Variants in CTNNA2 observed in about 807,000 individuals in gnomAD.
The protein encoded by CTNNA2 is catenin alpha 2.
CTNNA2 carries 42 observed loss-of-function variants against 101.0 expected under a neutral mutation model. The ratio of observed to expected loss-of-function variants is 0.42; its 90% CI spans 0.32 to 0.54. CTNNA2 has a LOEUF of 0.54. Among genes scored for constraint, CTNNA2 ranks in the 20% least tolerant of loss-of-function variants. The pLI is 0.14. For missense variants in CTNNA2, 871 were observed against 1,223.1 expected (o/e 0.71, Z 4.29); for synonymous variants, 450 against 456.4 (o/e 0.99, Z 0.18).
In CTNNA2 at chr2:80,085,950, G is replaced by A. The variant is rs140313562; in HGVS notation, c.1056+176153G>A. Among the ~76,000 whole-genome samples, 423 of 151,972 alleles carry A rather than the reference G, an allele frequency of 2.8e-3. 4 individuals are homozygous for A. The highest frequency in any genetic ancestry group is 9.8e-3 in the African/African-American group (408 of 41,460). ...ATCTTGATGGGACATGTATGCCTAC[G>A]GTTAAACTTAGCAAGAAAGTATAGC... On this transcript the variant is annotated intron_variant, in intron 7 of 18. Transcript: ENST00000402739.
chr2:79,410,550 T>C (rs1194459222), intron 4 of CTNNA2, among the ~76,000 whole-genome samples: 1 of 152,188 alleles, frequency 6.6e-6, no homozygotes, highest in Non-Finnish European at 1.5e-5. Flanking sequence ...TCTGCATCTA[T>C]TGAGATAATC....
chr2:80,105,349 TCTC>T (rs1700811669), intron 7 of CTNNA2, among the ~76,000 whole-genome samples: 1 of 152,232 alleles, frequency 6.6e-6, no homozygotes, highest in South Asian at 2.1e-4. Flanking sequence ...ATGCCAATGT[TCTC>T]CTTCTGTGGC....
At chr2:79,528,626 T>C (rs1232765458) in intron 1 of CTNNA2, among the ~76,000 whole-genome samples, 2 of 152,276 alleles carry the variant, frequency 1.3e-5, no homozygotes, top group Admixed American at 6.6e-5. Context: ...TGTTTTTCCA[T>C]TTGGAATGTA....
chr2:79,414,544 T>C (rs1678455322), intron 4 of CTNNA2, among the ~76,000 whole-genome samples: 1 of 152,122 alleles, frequency 6.6e-6, no homozygotes, highest in South Asian at 2.1e-4. Flanking sequence ...TTAAAACTTT[T>C]GTTGTCTAAA....
intron 3 of CTNNA2, among the ~76,000 whole-genome samples, chr2:79,760,457 T>TTA (rs571697479): frequency 5.1e-4 from 77 of 152,264 alleles, no homozygotes; most frequent in African/African-American, 1.8e-3. Flanking sequence ...GGCTGGAAAC[T>TTA]CAAGTAGGAG....
Position 80,647,895 on chromosome 2 carries a change from GCTTTTT to G in CTNNA2, c.*28_*33del. The stretch of plus-strand genomic sequence containing the variant: ...TAGGACGATAGGTTTTAACAAGAAA[GCTTTTT>G]CTTTCTTTTCTTTCTTTCTTTTTCT... On this transcript the variant is annotated 3_prime_UTR_variant, in exon 19 of 19. Coordinates refer to ENST00000402739, the MANE Select transcript of CTNNA2 (RefSeq NM_001282597.3). 11 of 1,533,922 alleles carry G rather than the reference GCTTTTT, an allele frequency of 7.2e-6. No individual in the cohort carries two copies. Among genetic ancestry groups the G allele is most frequent in the Non-Finnish European group, 9.6e-6 (11 of 1,142,058 alleles).
chr2:80,307,057 A>G (rs1053094363), intron 7 of CTNNA2, among the ~76,000 whole-genome samples: 2 of 148,326 alleles, frequency 1.3e-5, no homozygotes, highest in African/African-American at 4.9e-5. Context: ...ATATATATAT[A>G]TTATATATAA....
intron 1 of CTNNA2, among the ~76,000 whole-genome samples, chr2:79,616,087 T>G (rs1678598366): frequency 6.6e-6 from 1 of 152,182 alleles, no homozygotes; most frequent in Non-Finnish European, 1.5e-5. Flanking sequence ...AGAGATCTTA[T>G]CTCTCTCAAA....
chr2:79,600,520 A>G (rs1677484500), intron 1 of CTNNA2, among the ~76,000 whole-genome samples: 1 of 152,158 alleles, frequency 6.6e-6, no homozygotes, highest in Non-Finnish European at 1.5e-5. Flanking sequence ...GATGTATGGA[A>G]TGGATTCATA....
intron 4 of CTNNA2, among the ~76,000 whole-genome samples, chr2:79,471,621 G>A (rs923911531): frequency 2.6e-5 from 4 of 152,180 alleles, no homozygotes; most frequent in Non-Finnish European, 2.9e-5. Context: ...GGTGGATCAC[G>A]AGATCAGGAG....
intron 7 of CTNNA2, among the ~76,000 whole-genome samples, chr2:80,196,195 A>T (rs1367590336): frequency 6.6e-6 from 1 of 152,140 alleles, no homozygotes; most frequent in African/African-American, 2.4e-5. Context: ...TTAATAAAGC[A>T]CAACAATCAC....
intron 7 of CTNNA2, among the ~76,000 whole-genome samples, chr2:80,167,113 A>G (rs1303043715): frequency 5.3e-5 from 8 of 151,952 alleles, no homozygotes; most frequent in African/African-American, 1.9e-4. Context: ...AAAAAAAAGT[A>G]TATATATATA....
intron 9 of CTNNA2, among the ~76,000 whole-genome samples, chr2:80,439,115 G>T (rs536083313): frequency 6.6e-6 from 1 of 152,096 alleles, no homozygotes. Context: ...AATATATCAC[G>T]TAATTATGAG....
chr2:79,876,479 A>G (rs997785445), intron 6 of CTNNA2, among the ~76,000 whole-genome samples: 3 of 152,196 alleles, frequency 2.0e-5, no homozygotes, highest in Non-Finnish European at 4.4e-5. Context: ...TGACACAATT[A>G]CATTATTCTA....
rs1193765186 is a variant in CTNNA2, at chr2:79,808,941, TC to T, written c.299-49067del. On this transcript the variant is annotated intron_variant, in intron 3 of 18. Transcript: ENST00000402739. ...TCTCCTAATGCTATCCCTCCTCTGG[TC>T]CCCCATCCCCCAACAGACCCTGGTG... Among the ~76,000 whole-genome samples the T allele has an allele frequency of 1.9e-4, 29 of 152,178 alleles. 1 individual carries two copies. The East Asian group carries it at 5.4e-3, about 28-fold the overall frequency.
chr2:79,832,485 G>A (rs1679000882), intron 3 of CTNNA2, among the ~76,000 whole-genome samples: 1 of 152,132 alleles, frequency 6.6e-6, no homozygotes, highest in Non-Finnish European at 1.5e-5. Context: ...TAAATATTAT[G>A]CCATTTACAT....
intron 7 of CTNNA2, among the ~76,000 whole-genome samples, chr2:80,237,943 G>T (rs1667091295): frequency 6.6e-6 from 1 of 151,502 alleles, no homozygotes; most frequent in Non-Finnish European, 1.5e-5. Flanking sequence ...AACTCTTCTT[G>T]GTCCAGCACC....
At chr2:79,446,222 A>G (rs1037835859) in intron 4 of CTNNA2, among the ~76,000 whole-genome samples, 1 of 151,898 alleles carries the variant, frequency 6.6e-6, no homozygotes, top group Non-Finnish European at 1.5e-5. Flanking sequence ...TTGCCCCACA[A>G]TATTCTAAGA....
intron 2 of CTNNA2, among the ~76,000 whole-genome samples, chr2:79,236,299 ATTC>A (rs1674557217): frequency 6.6e-6 from 1 of 152,098 alleles, no homozygotes; most frequent in Non-Finnish European, 1.5e-5. Context: ...ATGTTTGACT[ATTC>A]TTTTTAATGT....
Sources: allele counts gnomAD v4.1 joint callset (sites outside exome capture counted in the v4.1 genomes callset), GRCh38; gene constraint gnomAD v4.1.1; transcripts MANE v1.5; gene names NCBI Gene and HGNC (gene_info 2026-07-23, HGNC 2026-07-21).